BCL7A: variants seen among roughly 807,000 people sequenced by gnomAD.
The protein encoded by BCL7A is B-cell CLL/lymphoma 7 protein family member A.
BCL7A carries 11 observed loss-of-function variants against 28.4 expected under a neutral mutation model. That is an observed-to-expected ratio of 0.39 (90% CI 0.24 to 0.64). The LOEUF is 0.64. Ranked by LOEUF, BCL7A falls within the 30% of genes least tolerant of loss-of-function variation. The pLI, the probability that BCL7A is intolerant of heterozygous loss-of-function variation, is 0.50. For missense variants in BCL7A, 222 were observed against 274.8 expected, an observed-to-expected ratio of 0.81 and a Z score of 1.36; for synonymous variants, 123 against 103.3, an observed-to-expected ratio of 1.19 and a Z score of -1.15.
intron 1 of BCL7A, among the ~76,000 whole-genome samples, chr12:122,026,315 C>T (rs956720647): frequency 6.6e-6 from 1 of 151,846 alleles, no homozygotes; most frequent in African/African-American, 2.4e-5. Context: ...TGGTGACCCT[C>T]GTCTGTAATC....
chr12:122,035,336 C>T lies in BCL7A; in HGVS notation c.180C>T (p.Asn60=). ...PVTEPKVDDK[N]KNKKKGKDEK... The stretch of plus-strand genomic sequence containing the variant: ...TGCTCCATTTTCCCCTGCAGAAAAA[C>T]AAGAATAAGAAAAAAGGCAAGGACG... The change falls in exon 3 of 6, where the codon AAC becomes AAT. Residue 60 remains asparagine, a synonymous_variant. Transcript: ENST00000261822. 1.2e-6 allele frequency: 2 copies of T among 1,613,928 alleles called. No homozygotes were observed. The highest frequency in any genetic ancestry group is 8.5e-7 in the Non-Finnish European group (1 of 1,179,858).
At chr12:122,037,279 A>T (rs1883875593) in intron 3 of BCL7A, among the ~76,000 whole-genome samples, 1 of 152,168 alleles carries the variant, frequency 6.6e-6, no homozygotes, top group African/African-American at 2.4e-5. Flanking sequence ...TCTTGACCCC[A>T]ATTTCAACGT....
chr12:122,027,035 G>A (rs116861199), intron 1 of BCL7A, among the ~76,000 whole-genome samples: 6,996 of 152,276 alleles, frequency 0.046, 242 homozygotes, highest in Non-Finnish European at 0.069. Flanking sequence ...GTAAGGTGAC[G>A]GGGCCGCCAA....
chr12:122,053,866 TGAA>T (rs1407213673), intron 4 of BCL7A, among the ~76,000 whole-genome samples: 1 of 152,176 alleles, frequency 6.6e-6, no homozygotes, highest in East Asian at 1.9e-4. Context: ...TTTAAAGACA[TGAA>T]GAATTCCTCC....
In BCL7A at chr12:122,059,911, A is replaced by G; in HGVS notation, c.*748A>G. 1 of 232,488 alleles carries G rather than the reference A, an allele frequency of 4.3e-6. No homozygotes were observed. Among genetic ancestry groups the G allele is most frequent in the African/African-American group, 2.2e-5 (1 of 45,388 alleles). 14.4% of individuals were successfully genotyped at this position (232,488 alleles called of 1,614,324 possible). A position where few individuals can be genotyped will look rare whatever the true frequency, so the allele number is the denominator to read the frequency against. On this transcript the variant is annotated 3_prime_UTR_variant, in exon 6 of 6. Transcript: ENST00000261822. This position sits in a 1 kb window ranked among gnomAD's most constrained non-coding sequence, Gnocchi z 4.0. Reference sequence around the variant, plus strand: ...GTGCTCTCCCCTCCTTGGGGCGTTTAGGACTGGGCGTCTCCAAGCCCACCA... The same window carrying G: ...GTGCTCTCCCCTCCTTGGGGCGTTTGGGACTGGGCGTCTCCAAGCCCACCA...
At chr12:122,036,496 G>A (rs918291980) in intron 3 of BCL7A, among the ~76,000 whole-genome samples, 11 of 152,184 alleles carry the variant, frequency 7.2e-5, no homozygotes, top group South Asian at 6.2e-4. Flanking sequence ...TCCTGTTGGC[G>A]GTGTCTGTTT....
At chr12:122,049,393 CT>C (rs1260261000) in intron 4 of BCL7A, among the ~76,000 whole-genome samples, 1 of 151,722 alleles carries the variant, frequency 6.6e-6, no homozygotes, top group Non-Finnish European at 1.5e-5. Flanking sequence ...TTCAAATATG[CT>C]GGAGAGGCCG....
At chr12:122,026,502 T>A (rs1883633332) in intron 1 of BCL7A, among the ~76,000 whole-genome samples, 2 of 152,216 alleles carry the variant, frequency 1.3e-5, no homozygotes, top group Admixed American at 6.5e-5. Context: ...GGTCTGAGGG[T>A]TCCCTCAATG....
At chr12:122,025,991 C>T (rs1279717879) in intron 1 of BCL7A, among the ~76,000 whole-genome samples, 1 of 148,796 alleles carries the variant, frequency 6.7e-6, no homozygotes, top group African/African-American at 2.5e-5. Flanking sequence ...GAGAAAAGGC[C>T]GGGCACGTTG....
chr12:122,057,991 A>G (rs1328153822), intron 5 of BCL7A, among the ~76,000 whole-genome samples: 1 of 151,662 alleles, frequency 6.6e-6, no homozygotes, highest in African/African-American at 2.4e-5. Flanking sequence ...GGAGTTCAAG[A>G]CCAGCCTGGG....
intron 4 of BCL7A, among the ~76,000 whole-genome samples, chr12:122,046,060 T>TAAAAAAA (rs776315126): frequency 8.0e-5 from 5 of 62,858 alleles, no homozygotes; most frequent in South Asian, 8.7e-4. Flanking sequence ...GAGACCTTGC[T>TAAAAAAA]AAAAAAAAAA....
intron 1 of BCL7A, among the ~76,000 whole-genome samples, chr12:122,023,597 G>A (rs1593020003): frequency 2.0e-5 from 3 of 152,340 alleles, no homozygotes; most frequent in South Asian, 2.1e-4. Context: ...CGTGGGCTGG[G>A]TTTGGCTCCA....
At chr12:122,039,280 G>A (rs1356488941) in intron 3 of BCL7A, among the ~76,000 whole-genome samples, 2 of 149,704 alleles carry the variant, frequency 1.3e-5, no homozygotes, top group African/African-American at 2.5e-5. Flanking sequence ...CTGGGCGACA[G>A]AGCAAGACTC....
intron 4 of BCL7A, among the ~76,000 whole-genome samples, chr12:122,049,044 A>G (rs1884136973): frequency 7.7e-6 from 1 of 130,546 alleles, no homozygotes; most frequent in Admixed American, 7.6e-5. Context: ...AAATATATAT[A>G]TATATATATA....
chr12:122,044,761 G>A (rs1469634461), intron 4 of BCL7A, among the ~76,000 whole-genome samples: 2 of 151,626 alleles, frequency 1.3e-5, no homozygotes, highest in African/African-American at 4.9e-5. Flanking sequence ...AGGAGTTGGA[G>A]GCTGCAGTGA....
Position 122,060,298 on chromosome 12 carries a change from T to C in BCL7A, c.*1135T>C, listed in dbSNP as rs1026828896. On this transcript the variant is annotated 3_prime_UTR_variant, in exon 6 of 6. Transcript: ENST00000261822. ...GCTGTTCTGACTCTGAGCCAACAGC[T>C]GGACCGTGTCTCATCCCCAGAACAT... The C allele has an allele frequency of 8.6e-6, 2 of 232,892 alleles. No homozygotes were observed. The highest frequency in any genetic ancestry group is 4.4e-5 in the African/African-American group (2 of 45,306). 14.4% of individuals were successfully genotyped at this position (232,892 alleles called of 1,614,324 possible).
intron 2 of BCL7A, among the ~76,000 whole-genome samples, chr12:122,032,575 G>T (rs1190002503): frequency 6.6e-6 from 1 of 152,162 alleles, no homozygotes; most frequent in African/African-American, 2.4e-5. Flanking sequence ...GGAAGGACCG[G>T]GCAGCTCTAG....
intron 2 of BCL7A, among the ~76,000 whole-genome samples, chr12:122,031,643 C>T (rs1057347417): frequency 3.3e-5 from 5 of 152,196 alleles, no homozygotes; most frequent in Non-Finnish European, 5.9e-5. Context: ...GACTCCAAAG[C>T]GCAGGTTCTC....
chr12:122,051,448 C>G (rs1884189537), intron 4 of BCL7A, among the ~76,000 whole-genome samples: 1 of 152,226 alleles, frequency 6.6e-6, no homozygotes, highest in Admixed American at 6.5e-5. Context: ...TCCAAGCTCC[C>G]TGGACTAAAT....
Sources: gnomAD v4.1 joint callset for allele counts (sites outside exome capture counted in the v4.1 genomes callset) on GRCh38, gnomAD v4.1.1 for gene constraint, Gnocchi (gnomAD v3.1) non-coding constraint, MANE v1.5 for transcripts, NCBI Gene and HGNC (gene_info 2026-07-23, HGNC 2026-07-21) for gene names.